Variants in HDLBP observed in about 807,000 individuals in gnomAD.
The protein encoded by HDLBP is vigilin.
A neutral mutation model predicts 137.3 loss-of-function variants in HDLBP; 30 were observed. The ratio of observed to expected loss-of-function variants is 0.22; its 90% CI spans 0.16 to 0.30. The LOEUF (loss-of-function observed/expected upper bound fraction) is 0.30, where lower values mean the gene tolerates loss of function less well. HDLBP is among the 10% of genes least tolerant of loss of function. The pLI is 1.00. For missense variants in HDLBP, 1,119 were observed against 1,667.3 expected, an observed-to-expected ratio of 0.67 and a Z score of 5.73; for synonymous variants, 606 against 596.0, an observed-to-expected ratio of 1.02 and a Z score of -0.24.
At chr2:241,250,134 T>C in intron 11 of HDLBP, 154 bp from the exon 12 acceptor site, 1 of 688,704 alleles carries the variant, frequency 1.5e-6, no homozygotes, top group South Asian at 2.1e-5. Context: ...AAAATCTCCA[T>C]TGTCTAGAAT....
intron 12 of HDLBP, among the ~76,000 whole-genome samples, chr2:241,249,584 G>A (rs1384655371): frequency 1.3e-5 from 2 of 152,260 alleles, no homozygotes; most frequent in African/African-American, 4.8e-5. Flanking sequence ...CACCCAGGGT[G>A]TGGCCAAGGC....
chr2:241,235,058 C>G, intron 23 of HDLBP, 63 bp downstream of exon 23: 12 of 1,581,604 alleles, frequency 7.6e-6, no homozygotes, highest in Non-Finnish European at 1.0e-5. Flanking sequence ...TCCCTAGATT[C>G]TGACATGTGC....
Position 241,272,973 on chromosome 2 carries a change from C to T in HDLBP, c.-102-4432G>A, listed in dbSNP as rs997712465. 3.1e-6 allele frequency: 3 copies of T among 966,628 alleles called. No homozygotes were observed. Among genetic ancestry groups the T allele is most frequent in the African/African-American group, 3.5e-5 (2 of 56,860 alleles). 59.9% of individuals were successfully genotyped at this position (966,628 alleles called of 1,614,324 possible). ...CCCGGGAGGCCCACCCAACTGCAGG[C>T]GTGGTTCTGCATCCTTTTTTCGGGT... On this transcript the variant is annotated intron_variant, in intron 1 of 27. Transcript: ENST00000310931. The surrounding 1 kb of genome is among the most constrained non-coding windows in gnomAD (Gnocchi z 5.6).
At chr2:241,309,603 T>C (rs749439146) in intron 1 of HDLBP, among the ~76,000 whole-genome samples, 17 of 152,112 alleles carry the variant, frequency 1.1e-4, no homozygotes, top group Non-Finnish European at 2.5e-4. Flanking sequence ...AGTTGGCTGA[T>C]AGGTTTAAAA....
At chr2:241,273,064 C>G (rs1559534424) in intron 1 of HDLBP, 1 of 985,368 alleles carries the variant, frequency 1.0e-6, no homozygotes, top group Non-Finnish European at 1.2e-6. Context: ...GCGCGCCCCG[C>G]AAGAACCCGA....
intron 12 of HDLBP, among the ~76,000 whole-genome samples, chr2:241,248,645 T>C (rs1446150466): frequency 6.6e-6 from 1 of 152,184 alleles, no homozygotes; most frequent in African/African-American, 2.4e-5. Flanking sequence ...AGTGCTATCA[T>C]GATAGCAGTA....
chr2:241,306,576 A>G (rs993507431), intron 1 of HDLBP, among the ~76,000 whole-genome samples: 3 of 151,916 alleles, frequency 2.0e-5, no homozygotes, highest in African/African-American at 7.3e-5. Flanking sequence ...TCTTATTTTT[A>G]AAAGAAAGGA....
At chr2:241,282,883 T>C (rs2074658212) in intron 1 of HDLBP, among the ~76,000 whole-genome samples, 1 of 152,102 alleles carries the variant, frequency 6.6e-6, no homozygotes, top group Non-Finnish European at 1.5e-5. Flanking sequence ...AACAATTGCT[T>C]CTAAGTGTTC....
At chr2:241,250,260 T>A (rs1214241319) in intron 11 of HDLBP, 1 of 300,848 alleles carries the variant, frequency 3.3e-6, no homozygotes, top group Non-Finnish European at 6.1e-6. Flanking sequence ...TTGGGGCCAC[T>A]CAGTCTGGGA....
chr2:241,259,048 C>A (rs924840287), intron 5 of HDLBP, among the ~76,000 whole-genome samples: 10 of 152,166 alleles, frequency 6.6e-5, no homozygotes, highest in African/African-American at 2.4e-4. Flanking sequence ...TTTGTAACAG[C>A]TAAAGTCTGG....
At chr2:241,234,904 T>C (rs1386313479) in intron 23 of HDLBP, among the ~76,000 whole-genome samples, 1 of 152,184 alleles carries the variant, frequency 6.6e-6, no homozygotes, top group African/African-American at 2.4e-5. Context: ...AAGTCCAACT[T>C]TGTCACTTTT....
intron 14 of HDLBP, 157 bp from the exon 15 acceptor site, chr2:241,247,299 T>C: frequency 1.6e-6 from 1 of 619,126 alleles, no homozygotes; most frequent in South Asian, 1.9e-5. Flanking sequence ...GATAGATCAT[T>C]TGTCCAACAA....
In HDLBP at chr2:241,289,405, T is replaced by C. The variant is rs377150035; in HGVS notation, c.-102-20864A>G. On this transcript the variant is annotated intron_variant, in intron 1 of 27. Coordinates refer to ENST00000310931, the MANE Select transcript of HDLBP (RefSeq NM_005336.6). ...CCCTAGAAACGCTTACTTATATAAC[T>C]GTCTCCACAAAGAGCTAATTCAACA... Among the ~76,000 whole-genome samples, 57 of 152,344 alleles carry C rather than the reference T, an allele frequency of 3.7e-4. No individual in the cohort carries two copies. The South Asian group carries it at 0.012, about 31-fold the overall frequency.
chr2:241,256,687 A>G lies in HDLBP; in HGVS notation c.570T>C (p.Asp190=), dbSNP rs776255083. ...TGATCTTGATCTGATTGCTGGGGTC[A>G]TCTGGGCGTGGGATCTGGATTTTGG... is the stretch of plus-strand genomic sequence containing the variant. ...TATKIQIPRP[D]DPSNQIKITG... is the part of the protein sequence containing the mutation. The change falls in exon 6 of 28, where the codon GAT becomes GAC. Residue 190 remains aspartate, a synonymous_variant. Coordinates refer to ENST00000310931, the MANE Select transcript of HDLBP (RefSeq NM_005336.6). 8.1e-6 allele frequency: 13 copies of G among 1,614,096 alleles called. No individual in the cohort carries two copies. The highest frequency in any genetic ancestry group is 1.6e-4 in the Middle Eastern group (1 of 6,084).
chr2:241,298,398 T>C (rs535392397), intron 1 of HDLBP, among the ~76,000 whole-genome samples: 1 of 151,650 alleles, frequency 6.6e-6, no homozygotes, highest in South Asian at 2.1e-4. Flanking sequence ...AATAAATAGA[T>C]AAATAAATAA....
intron 4 of HDLBP, among the ~76,000 whole-genome samples, chr2:241,263,208 A>C (rs2073344405): frequency 6.6e-6 from 1 of 152,226 alleles, no homozygotes; most frequent in Non-Finnish European, 1.5e-5. Flanking sequence ...GTTTGAGAGA[A>C]AGTGGGAGGT....
rs2149440188 is a variant in HDLBP, at chr2:241,247,164, C to A, written c.1732-22G>T. 2.8e-6 allele frequency: 4 copies of A among 1,453,850 alleles called. No individual in the cohort carries two copies. In the East Asian group the frequency reaches 9.1e-5, roughly 33 times the overall value. 90.1% of individuals were successfully genotyped at this position (1,453,850 alleles called of 1,614,324 possible). On this transcript the variant is annotated intron_variant, in intron 14 of 27. Transcript: ENST00000310931. ...CCACCTTAAAGACAAAAAACACAGCCCGATTCACCACCTGTGCTAGAGAGT... is the reference window on the plus strand; with the variant it reads ...CCACCTTAAAGACAAAAAACACAGCACGATTCACCACCTGTGCTAGAGAGT...
intron 1 of HDLBP, 72 bp downstream of exon 1, chr2:241,315,498 C>G (rs1201000577): frequency 6.5e-6 from 1 of 152,674 alleles, no homozygotes; most frequent in Non-Finnish European, 1.5e-5. Context: ...CCTCAGTGGG[C>G]ACTTGTCTCC....
At chr2:241,284,171 G>T (rs1304668848) in intron 1 of HDLBP, among the ~76,000 whole-genome samples, 1 of 152,324 alleles carries the variant, frequency 6.6e-6, no homozygotes, top group East Asian at 1.9e-4. Flanking sequence ...GGATCAAGAA[G>T]TAATTTCGAC....
Sources: allele counts gnomAD v4.1 joint callset (sites outside exome capture counted in the v4.1 genomes callset), GRCh38; gene constraint gnomAD v4.1.1; non-coding constraint Gnocchi (gnomAD v3.1); transcripts MANE v1.5; gene names NCBI Gene and HGNC (gene_info 2026-07-23, HGNC 2026-07-21).